The following FMN1 variants were observed in gnomAD, a reference collection of about 807,000 sequenced individuals.
FMN1 encodes the protein formin-1.
A neutral mutation model predicts 132.4 loss-of-function variants in FMN1; 110 were observed. The ratio of observed to expected loss-of-function variants is 0.83; its 90% CI spans 0.71 to 0.97. FMN1 has a LOEUF of 0.97. Among genes scored for constraint, FMN1 ranks in the 50% least tolerant of loss-of-function variants. The pLI is 0.00. For missense variants in FMN1, 1,792 were observed against 1,705.3 expected (o/e 1.05, Z -0.90); for synonymous variants, 722 against 651.7 (o/e 1.11, Z -1.64).
intron 17 of FMN1, among the ~76,000 whole-genome samples, chr15:32,823,448 G>A (rs1405375150): frequency 6.6e-6 from 1 of 152,118 alleles, no homozygotes; most frequent in Non-Finnish European, 1.5e-5. Context: ...ACAGGTGTGA[G>A]CCACTGCGCC....
At chr15:33,001,289 GA>G (rs934403102) in intron 7 of FMN1, among the ~76,000 whole-genome samples, 19 of 145,678 alleles carry the variant, frequency 1.3e-4, no homozygotes, top group African/African-American at 4.0e-4. Flanking sequence ...GTCTCAAAAA[GA>G]AAAAAAAAAG....
At chr15:33,060,446 A>T (rs947652291) in intron 6 of FMN1, among the ~76,000 whole-genome samples, 3 of 152,238 alleles carry the variant, frequency 2.0e-5, no homozygotes, top group African/African-American at 7.2e-5. Context: ...GAAACAAACC[A>T]GAAAATAGGT....
rs1278416954 is a variant in FMN1, at chr15:32,770,751, A to G, written c.*3559T>C. Reference sequence around the variant, plus strand: ...ATCTGATATTCAATTCCTCAACCATACTGGCAATTTGTTTTGGCTAGAACA... The same window carrying G: ...ATCTGATATTCAATTCCTCAACCATGCTGGCAATTTGTTTTGGCTAGAACA... On this transcript the variant is annotated 3_prime_UTR_variant, in exon 21 of 21. Transcript: ENST00000616417. 1 of 152,108 alleles carries G rather than the reference A, an allele frequency of 6.6e-6. No individual in the cohort carries two copies. The highest frequency in any genetic ancestry group is 1.5e-5 in the Non-Finnish European group (1 of 68,028). The allele number at this position is 152,108 out of a possible 1,614,324, so 9.4% of individuals were successfully genotyped here. A position where few individuals can be genotyped will look rare whatever the true frequency, so the allele number is the denominator to read the frequency against.
At chr15:32,982,009 T>C (rs764445028) in intron 7 of FMN1, among the ~76,000 whole-genome samples, 3 of 151,918 alleles carry the variant, frequency 2.0e-5, no homozygotes, top group Non-Finnish European at 4.4e-5. Context: ...TTCCAGAGCA[T>C]AGAGAGAATT....
At chr15:32,923,433 G>T (rs902700866) in intron 10 of FMN1, among the ~76,000 whole-genome samples, 6 of 152,150 alleles carry the variant, frequency 3.9e-5, no homozygotes, top group Non-Finnish European at 8.8e-5. Flanking sequence ...CAGTTATAGC[G>T]CCATATTCAT....
chr15:32,883,509 CAAAAAAAAAAA>C (rs60737133), intron 16 of FMN1, among the ~76,000 whole-genome samples: 35 of 25,920 alleles, frequency 1.4e-3, no homozygotes, highest in Non-Finnish European at 1.6e-3. Flanking sequence ...GAACCTATCT[CAAAAAAAAAAA>C]AAAAAAAAAA....
chr15:32,785,218 ATTTTTTTTTT>A (rs1230723314), intron 19 of FMN1, among the ~76,000 whole-genome samples: 4 of 39,208 alleles, frequency 1.0e-4, no homozygotes, highest in South Asian at 9.1e-4. Flanking sequence ...ATATATATAT[ATTTTTTTTTT>A]TTTTTTTTTG....
chr15:33,020,539 CA>C (rs1264295418), intron 6 of FMN1, among the ~76,000 whole-genome samples: 1 of 151,628 alleles, frequency 6.6e-6, no homozygotes, highest in Non-Finnish European at 1.5e-5. Flanking sequence ...CCTGGCTACT[CA>C]GGAGGCTGAA....
chr15:33,149,987 C>A (rs1964378800), intron 4 of FMN1: 1 of 985,078 alleles, frequency 1.0e-6, no homozygotes, highest in Admixed American at 6.2e-5. Flanking sequence ...TTCATGGGCA[C>A]AAGAATTGAT....
At chr15:32,844,756 A>G (rs1180969835) in intron 17 of FMN1, among the ~76,000 whole-genome samples, 2 of 152,212 alleles carry the variant, frequency 1.3e-5, no homozygotes, top group South Asian at 4.1e-4. Flanking sequence ...AACCACTGCT[A>G]TTCGCACCAT....
chr15:33,030,250 G>T (rs345870), intron 6 of FMN1, among the ~76,000 whole-genome samples: 57,687 of 152,104 alleles, frequency 0.38, 11,451 homozygotes, highest in Admixed American at 0.48. Flanking sequence ...AAATGGAAAA[G>T]AATCACCACT....
At chr15:32,973,569 G>GCCCC (rs2031960560) in intron 7 of FMN1, among the ~76,000 whole-genome samples, 1 of 147,942 alleles carries the variant, frequency 6.8e-6, no homozygotes, top group East Asian at 2.0e-4. Context: ...GCCTCTCTCT[G>GCCCC]CCCCTCACCC....
chr15:33,177,436 G>C lies in FMN1; in HGVS notation c.-132+2762C>G, dbSNP rs75082034. On this transcript the variant is annotated intron_variant, in intron 3 of 20. Coordinates refer to ENST00000616417, the MANE Select transcript of FMN1 (RefSeq NM_001277313.2). Reference sequence around the variant, plus strand: ...GTCAGAAGGCTTGGACTCAAGTCCAGCTTTGCCAATTACTAACAGTACTCT... The same window carrying C: ...GTCAGAAGGCTTGGACTCAAGTCCACCTTTGCCAATTACTAACAGTACTCT... Among the ~76,000 whole-genome samples the C allele has an allele frequency of 9.0e-3, 1,370 of 152,308 alleles. 46 individuals carry two copies. In the East Asian group the frequency reaches 0.1, roughly 11 times the overall value.
intron 17 of FMN1, among the ~76,000 whole-genome samples, chr15:32,811,541 A>T (rs995432785): frequency 1.3e-5 from 2 of 152,066 alleles, no homozygotes; most frequent in African/African-American, 2.4e-5. Context: ...TAAAATAAAA[A>T]AAAAAAATCC....
rs539371655 is a variant in FMN1 at position 32,824,804 on chromosome 15, C to T, written c.3929-20472G>A. Among the ~76,000 whole-genome samples the T allele has an allele frequency of 1.6e-4, 25 of 152,296 alleles. No individual in the cohort carries two copies. The South Asian group carries it at 4.4e-3, about 27-fold the overall frequency. On this transcript the variant is annotated intron_variant, in intron 17 of 20. Coordinates refer to ENST00000616417, the MANE Select transcript of FMN1 (RefSeq NM_001277313.2). ...ATAAATTCAGCTACTCTCGTTCTGC[C>T]GATGAATCTCAAATCTCTATCATCA...
chr15:33,046,257 C>T (rs1417387864), intron 6 of FMN1, among the ~76,000 whole-genome samples: 1 of 152,036 alleles, frequency 6.6e-6, no homozygotes, highest in Non-Finnish European at 1.5e-5. Flanking sequence ...TGGGAAGCAG[C>T]GAGTCTTACA....
chr15:32,863,214 C>A (rs999397134), intron 16 of FMN1, among the ~76,000 whole-genome samples: 1 of 152,100 alleles, frequency 6.6e-6, no homozygotes, highest in African/African-American at 2.4e-5. Flanking sequence ...GAGGCCGAGG[C>A]GGGCGGATCA....
At chr15:33,120,410 G>A (rs1282849652) in intron 4 of FMN1, among the ~76,000 whole-genome samples, 1 of 152,068 alleles carries the variant, frequency 6.6e-6, no homozygotes, top group African/African-American at 2.4e-5. Flanking sequence ...TTACAGAGTG[G>A]TTAGCTACTG....
At chr15:32,993,985 T>C (rs1203738276) in intron 7 of FMN1, among the ~76,000 whole-genome samples, 2 of 152,056 alleles carry the variant, frequency 1.3e-5, no homozygotes, top group African/African-American at 2.4e-5. Context: ...CAGTAGATTC[T>C]AACTGTTCTG....
Sources: allele counts gnomAD v4.1 joint callset (sites outside exome capture counted in the v4.1 genomes callset), GRCh38; gene constraint gnomAD v4.1.1; transcripts MANE v1.5; gene names NCBI Gene and HGNC (gene_info 2026-07-23, HGNC 2026-07-21).